HNMT: variants seen among roughly 807,000 people sequenced by gnomAD.
The protein encoded by HNMT is histamine N-methyltransferase.
Under a neutral mutation model 32.1 loss-of-function variants are expected in HNMT, and 30 were observed. The observed-to-expected ratio is 0.93, with a 90% CI of 0.70 to 1.27. The LOEUF is 1.27. HNMT is among the 50% of genes most tolerant of loss of function. The pLI, the probability that HNMT is intolerant of heterozygous loss-of-function variation, is 0.00. For synonymous variants in HNMT, 125 were observed against 119.0 expected (o/e 1.05, Z -0.33); for missense variants, 327 against 346.0 (o/e 0.95, Z 0.43).
chr2:138,005,069 A>G, intron 4 of HNMT, 63 bp from the exon 5 acceptor site: 1 of 888,006 alleles, frequency 1.1e-6, no homozygotes, highest in Admixed American at 1.9e-5. Context: ...AGGAGTATCT[A>G]GCCCAAGCAA....
chr2:137,988,234 G>A (rs1286810063), intron 2 of HNMT, among the ~76,000 whole-genome samples: 1 of 152,204 alleles, frequency 6.6e-6, no homozygotes, highest in Non-Finnish European at 1.5e-5. Flanking sequence ...GGTTTGCTTA[G>A]CAGGGTTTAA....
At chr2:137,979,294 G>A (rs1680407809) in intron 2 of HNMT, among the ~76,000 whole-genome samples, 3 of 150,824 alleles carry the variant, frequency 2.0e-5, no homozygotes, top group South Asian at 2.1e-4. Context: ...ATTTTGAGAC[G>A]GAGTCTTGCT....
intron 2 of HNMT, chr2:137,981,334 G>T: frequency 1.2e-6 from 2 of 1,613,180 alleles, no homozygotes; most frequent in Non-Finnish European, 8.5e-7. Flanking sequence ...CTTCTGAGTT[G>T]CCATTTGGAG....
chr2:137,980,851 G>A (rs913500409), intron 2 of HNMT, among the ~76,000 whole-genome samples: 2 of 152,136 alleles, frequency 1.3e-5, no homozygotes, highest in African/African-American at 4.8e-5. Context: ...GTTGGAGGGA[G>A]ATAGAGAGAG....
At chr2:137,989,709 C>T (rs1680762145) in intron 2 of HNMT, among the ~76,000 whole-genome samples, 1 of 152,190 alleles carries the variant, frequency 6.6e-6, no homozygotes, top group Non-Finnish European at 1.5e-5. Context: ...TTACCTTTCC[C>T]ACCAGCAGCG....
chr2:137,970,933 A>AAAAAGAAAGAAAGAAAGAAAGAAAGAAAG (rs1424481237), intron 2 of HNMT, among the ~76,000 whole-genome samples: 1 of 86,686 alleles, frequency 1.2e-5, no homozygotes. Flanking sequence ...AAAAAAAAAA[A>AAAAAGAAAGAAAGAAAGAAAGAAAGAAAG]AAAGAAAGAA....
chr2:137,986,403 G>A (rs1299798778), intron 2 of HNMT, among the ~76,000 whole-genome samples: 1 of 152,136 alleles, frequency 6.6e-6, no homozygotes, highest in African/African-American at 2.4e-5. Context: ...AAAGCCAGCA[G>A]GCCTGAAGGC....
intron 1 of HNMT, among the ~76,000 whole-genome samples, chr2:137,969,839 A>G (rs1680069216): frequency 1.3e-5 from 2 of 152,310 alleles, no homozygotes; most frequent in South Asian, 4.1e-4. Context: ...ATCTACGATG[A>G]GTGGCTTATT....
intron 2 of HNMT, among the ~76,000 whole-genome samples, chr2:137,990,815 G>GT (rs1007171252): frequency 1.1e-4 from 16 of 149,434 alleles, no homozygotes; most frequent in South Asian, 2.1e-4. Flanking sequence ...AAATGCATGA[G>GT]TTTTTTTTTT....
At chr2:137,972,336 C>A (rs1473541527) in intron 2 of HNMT, among the ~76,000 whole-genome samples, 1 of 152,054 alleles carries the variant, frequency 6.6e-6, no homozygotes, top group African/African-American at 2.4e-5. Context: ...GAACTCCTTA[C>A]CTCAGGTGAT....
At chr2:137,982,090 C>G (rs1475600217) in intron 2 of HNMT, among the ~76,000 whole-genome samples, 2 of 152,208 alleles carry the variant, frequency 1.3e-5, no homozygotes, top group Admixed American at 1.3e-4. Flanking sequence ...CTCAAGTGAT[C>G]CACCAGCCTA....
In HNMT at chr2:138,014,102, C is replaced by A; in HGVS notation, c.851C>A (p.Thr284Asn). Residue 284 changes from threonine to asparagine, a missense_variant, in exon 6 of 6, where the codon ACT becomes AAT. By Grantham distance (65) the Thr-to-Asn change is moderately conservative (BLOSUM62 0). Transcript: ENST00000280097. ...GAGGGGAAGGTTCTTTTTAATAATA[C>A]TCTGAGTTTCATAGTGATTGAGGCA... Reference protein sequence around the residue: ...KKEGKVLFNNTLSFIVIEA With the variant: ...KKEGKVLFNNNLSFIVIEA 6.3e-7 allele frequency: 1 copy of A among 1,596,094 alleles called. No homozygotes were observed. Among genetic ancestry groups the A allele is most frequent in the South Asian group, 1.1e-5 (1 of 89,596 alleles).
intron 2 of HNMT, among the ~76,000 whole-genome samples, chr2:137,990,098 A>G (rs920068194): frequency 2.6e-5 from 4 of 152,162 alleles, no homozygotes; most frequent in Non-Finnish European, 4.4e-5. Flanking sequence ...AATAAAGTTC[A>G]GCTTATTAAT....
intron 2 of HNMT, among the ~76,000 whole-genome samples, chr2:137,970,444 G>T (rs1326299692): frequency 1.3e-5 from 2 of 152,086 alleles, no homozygotes; most frequent in Non-Finnish European, 2.9e-5. Flanking sequence ...GATGTGACTT[G>T]TTCTTTTGAT....
chr2:137,970,619 G>A (rs1402241152), intron 2 of HNMT, among the ~76,000 whole-genome samples: 3 of 152,116 alleles, frequency 2.0e-5, no homozygotes, highest in Non-Finnish European at 2.9e-5. Flanking sequence ...TCCATGTGAA[G>A]ATCTGAAATG....
intron 2 of HNMT, among the ~76,000 whole-genome samples, chr2:137,987,601 CTTTTTTTTTTTTTT>C (rs5834598): frequency 1.4e-5 from 1 of 70,238 alleles, no homozygotes; most frequent in African/African-American, 5.6e-5. Flanking sequence ...ACAATGGCCA[CTTTTTTTTTTTTTT>C]TTTTTTTTTT....
At chr2:137,975,469 C>T (rs182421272) in intron 2 of HNMT, among the ~76,000 whole-genome samples, 1 of 152,224 alleles carries the variant, frequency 6.6e-6, no homozygotes, top group African/African-American at 2.4e-5. Context: ...TTGTGTGACC[C>T]AGTTCTCAAG....
intron 2 of HNMT, among the ~76,000 whole-genome samples, chr2:137,988,154 A>G (rs1680706606): frequency 1.3e-5 from 2 of 152,234 alleles, no homozygotes; most frequent in African/African-American, 2.4e-5. Context: ...CAGATAGTCT[A>G]TGTTTAGTGG....
At chr2:137,994,231 G>A (rs1219504291) in intron 2 of HNMT, among the ~76,000 whole-genome samples, 4 of 152,086 alleles carry the variant, frequency 2.6e-5, no homozygotes, top group Admixed American at 6.6e-5. Flanking sequence ...CTGACAAATC[G>A]GATAAAGAGT....
Sources: allele counts gnomAD v4.1 joint callset (sites outside exome capture counted in the v4.1 genomes callset), GRCh38; gene constraint gnomAD v4.1.1; transcripts MANE v1.5; gene names NCBI Gene and HGNC (gene_info 2026-07-23, HGNC 2026-07-21).